The following SLC33A1 variants were observed in gnomAD, a reference collection of about 807,000 sequenced individuals.
The protein encoded by SLC33A1 is acetyl-coenzyme A transporter 1.
In SLC33A1, 20 loss-of-function variants were observed where a neutral mutation model predicts 50.0. That is an observed-to-expected ratio of 0.40 (90% CI 0.28 to 0.58). SLC33A1 has a LOEUF of 0.58. SLC33A1 is among the 20% of genes least tolerant of loss of function. The probability of loss-of-function intolerance (pLI) is 0.44; values close to 1 mark genes in which losing one functional copy is unlikely to be tolerated. For synonymous variants in SLC33A1, 265 were observed against 251.8 expected (o/e 1.05, Z -0.50); for missense variants, 476 against 657.0 (o/e 0.72, Z 3.01).
At position 155,824,093 on chromosome 3, in the gene SLC33A1, TC is replaced by T. The variant is rs1384460880; in HGVS notation, c.*4116del. The stretch of plus-strand genomic sequence containing the variant: ...ACCAAAGACATTGGTTAAAAAAAAG[TC>T]TCAGCAGTTACAATGTACAGTATCA... On this transcript the variant is annotated 3_prime_UTR_variant, in exon 6 of 6. Transcript: ENST00000643144. The T allele has an allele frequency of 6.6e-6, 1 of 152,166 alleles. No homozygotes were observed. The highest frequency in any genetic ancestry group is 1.9e-4 in the East Asian group (1 of 5,206). The allele number at this position is 152,166 out of a possible 1,614,324, so 9.4% of individuals were successfully genotyped here. A position where few individuals can be genotyped will look rare whatever the true frequency, so the allele number is the denominator to read the frequency against.
intron 1 of SLC33A1, among the ~76,000 whole-genome samples, chr3:155,852,481 C>T (rs187661065): frequency 1.3e-5 from 2 of 152,370 alleles, no homozygotes; most frequent in East Asian, 3.9e-4. Flanking sequence ...CAGCCTTTCT[C>T]AGCACGATTT....
chr3:155,831,185 G>A (rs1008501356), intron 4 of SLC33A1, among the ~76,000 whole-genome samples: 16 of 152,114 alleles, frequency 1.1e-4, no homozygotes, highest in South Asian at 2.1e-4. Context: ...AGCTGGGTGC[G>A]GTGGCTCACA....
In SLC33A1 at chr3:155,827,765, C is replaced by G. The variant is rs1286443601; in HGVS notation, c.*445G>C. 1 of 153,942 alleles carries G rather than the reference C, an allele frequency of 6.5e-6. No homozygotes were observed. The highest frequency in any genetic ancestry group is 1.9e-4 in the East Asian group (1 of 5,248). The allele number at this position is 153,942 out of a possible 1,614,324, so 9.5% of individuals were successfully genotyped here. On this transcript the variant is annotated 3_prime_UTR_variant, in exon 6 of 6. Transcript: ENST00000643144. Reference sequence around the variant, plus strand: ...CAATTCAAAATAAGATTTTAACTGCCAACAATGTCAGACTAGTTGTGGTTA... The same window carrying G: ...CAATTCAAAATAAGATTTTAACTGCGAACAATGTCAGACTAGTTGTGGTTA...
At chr3:155,842,367 T>C (rs1752967085) in intron 2 of SLC33A1, 65 bp downstream of exon 2, 2 of 971,546 alleles carry the variant, frequency 2.1e-6, no homozygotes, top group Non-Finnish European at 3.2e-6. Flanking sequence ...GAAAAAGGCA[T>C]TGTAAGTATT....
At position 155,828,310 on chromosome 3, in the gene SLC33A1, C is replaced by T; in HGVS notation, c.1550G>A (p.Cys517Tyr). The T allele has an allele frequency of 6.2e-7, 1 of 1,604,820 alleles. No individual in the cohort carries two copies. Among genetic ancestry groups the T allele is most frequent in the Non-Finnish European group, 8.5e-7 (1 of 1,171,590 alleles). ...LDGYYVESII[C>Y]VFIGFGWWFF... ...CCACCAACCAAATCCAATGAAAACA[C>T]AAATAATGGACTCCACATAATAACC... Residue 517 changes from cysteine (C) to tyrosine (Y), a missense_variant, in exon 6 of 6, where the codon TGT (cysteine) becomes TAT (tyrosine). By Grantham distance (194) the Cys-to-Tyr change is radical. Coordinates refer to ENST00000643144, the MANE Select transcript of SLC33A1 (RefSeq NM_004733.4).
intron 2 of SLC33A1, among the ~76,000 whole-genome samples, chr3:155,836,307 A>G (rs1436914295): frequency 7.1e-5 from 10 of 140,714 alleles, no homozygotes; most frequent in Non-Finnish European, 1.5e-4. Flanking sequence ...AAAAAAAAAA[A>G]AAAAAAGGAA....
Position 155,854,384 on chromosome 3 carries a change from A to C in SLC33A1, c.-387T>G. The stretch of plus-strand genomic sequence containing the variant: ...ACACCTCCAGCTCTCGCTGCTATCA[A>C]TGCGGCAGAGAGCACTTTCTCTACA... On this transcript the variant is annotated 5_prime_UTR_variant, in exon 1 of 6. Transcript: ENST00000643144. 1 of 189,664 alleles carries C rather than the reference A, an allele frequency of 5.3e-6. No individual in the cohort carries two copies. Among genetic ancestry groups the C allele is most frequent in the Non-Finnish European group, 1.1e-5 (1 of 92,172 alleles). The allele number at this position is 189,664 out of a possible 1,614,324, so 11.7% of individuals were successfully genotyped here.
At chr3:155,844,552 A>G in intron 1 of SLC33A1, among the ~76,000 whole-genome samples, 1 of 131,020 alleles carries the variant, frequency 7.6e-6, no homozygotes, top group East Asian at 2.4e-4. Flanking sequence ...TGCAACCTCC[A>G]CCTCTCGGGT....
In SLC33A1 at chr3:155,827,537, T is replaced by C. The variant is rs1752237776; in HGVS notation, c.*673A>G. ...CAAGAGGAATCAATAAGTTTAAAAA[T>C]CATAACTTTCATTTTATAAAAAATA... On this transcript the variant is annotated 3_prime_UTR_variant, in exon 6 of 6. Coordinates refer to ENST00000643144, the MANE Select transcript of SLC33A1 (RefSeq NM_004733.4). 1 of 152,160 alleles carries C rather than the reference T, an allele frequency of 6.6e-6. No homozygotes were observed. The highest frequency in any genetic ancestry group is 2.1e-4 in the South Asian group (1 of 4,828). 9.4% of individuals were successfully genotyped at this position (152,160 alleles called of 1,614,324 possible). A position where few individuals can be genotyped will look rare whatever the true frequency, so the allele number is the denominator to read the frequency against.
At chr3:155,853,047 T>C in intron 1 of SLC33A1, 176 bp downstream of exon 1, 2 of 633,732 alleles carry the variant, frequency 3.2e-6, no homozygotes, top group South Asian at 2.0e-5. Context: ...ATTGCTCTAA[T>C]ATCATTCATT....
chr3:155,848,178 G>GC (rs1005790482), intron 1 of SLC33A1, among the ~76,000 whole-genome samples: 1 of 152,136 alleles, frequency 6.6e-6, no homozygotes, highest in Non-Finnish European at 1.5e-5. Flanking sequence ...AGGCTGCAGT[G>GC]CAGTGGTTAT....
intron 4 of SLC33A1, among the ~76,000 whole-genome samples, chr3:155,830,936 A>G (rs566347860): frequency 6.6e-6 from 1 of 152,316 alleles, no homozygotes; most frequent in African/African-American, 2.4e-5. Flanking sequence ...CAATAATGGT[A>G]TTCCTTTGAA....
At chr3:155,836,153 A>G (rs1018003434) in intron 2 of SLC33A1, among the ~76,000 whole-genome samples, 7 of 151,354 alleles carry the variant, frequency 4.6e-5, no homozygotes, top group African/African-American at 1.7e-4. Context: ...GTGTGGTGGT[A>G]TACGCCTGTA....
chr3:155,842,576 T>C lies in SLC33A1; in HGVS notation c.819A>G (p.Thr273=), dbSNP rs781372986. 7 of 1,591,480 alleles carry C rather than the reference T, an allele frequency of 4.4e-6. No individual in the cohort carries two copies. Among genetic ancestry groups the C allele is most frequent in the Non-Finnish European group, 5.1e-6 (6 of 1,167,672 alleles). Residue 273 remains threonine, a synonymous_variant, in exon 2 of 6, where the codon ACA becomes ACG. Transcript: ENST00000643144. ...TTTCTTTTTTCAGAAGGGCAACCAA[T>C]GTTGTTGTTATTAAAAATACAGTTC... ...FWGTVFLITT[T]LVALLKKENE...
At position 155,823,246 on chromosome 3, in the gene SLC33A1, A is replaced by G. The variant is rs1240039444; in HGVS notation, c.*4964T>C. 2 of 152,222 alleles carry G rather than the reference A, an allele frequency of 1.3e-5. No homozygotes were observed. Among genetic ancestry groups the G allele is most frequent in the African/African-American group, 4.8e-5 (2 of 41,466 alleles). 9.4% of individuals were successfully genotyped at this position (152,222 alleles called of 1,614,324 possible). ...CTATCCATGCTGATTCTACCTTGCT[A>G]GCAAATTGGGGAAGTAACATGAAGA... is the stretch of plus-strand genomic sequence containing the variant. On this transcript the variant is annotated 3_prime_UTR_variant, in exon 6 of 6. Transcript: ENST00000643144.
In SLC33A1 at chr3:155,829,735, A is replaced by C; in HGVS notation, c.1435T>G (p.Cys479Gly). The C allele has an allele frequency of 6.2e-7, 1 of 1,613,936 alleles. No homozygotes were observed. The highest frequency in any genetic ancestry group is 8.5e-7 in the Non-Finnish European group (1 of 1,179,962). Residue 479 changes from cysteine (C) to glycine (G), a missense_variant, in exon 5 of 6, where the codon TGT (cysteine) becomes GGT (glycine). Cys to Gly is a radical substitution (Grantham distance 159). Transcript: ENST00000643144. ...WLVDPLTVKE[C>G]VGASNQNCRT... ...CAATTCTGGTTTGATGCTCCTACAC[A>C]CTCTTTTACTGTGAGGGGATCTACA...
intron 1 of SLC33A1, among the ~76,000 whole-genome samples, chr3:155,852,414 G>T (rs1214291860): frequency 1.3e-5 from 2 of 152,150 alleles, no homozygotes; most frequent in Non-Finnish European, 2.9e-5. Flanking sequence ...TTACTTACAG[G>T]ACAAACTTTA....
At chr3:155,833,120 G>A (rs777491748) in intron 4 of SLC33A1, among the ~76,000 whole-genome samples, 1 of 151,896 alleles carries the variant, frequency 6.6e-6, no homozygotes, top group Non-Finnish European at 1.5e-5. Flanking sequence ...GTGGTGGCAC[G>A]TGCCTGTAAT....
intron 2 of SLC33A1, among the ~76,000 whole-genome samples, chr3:155,837,795 T>C (rs926168460): frequency 1.3e-5 from 2 of 152,150 alleles, no homozygotes; most frequent in Admixed American, 6.6e-5. Context: ...TCCATTAATA[T>C]ATAATTCAAA....
Sources: allele counts gnomAD v4.1 joint callset (sites outside exome capture counted in the v4.1 genomes callset), GRCh38; gene constraint gnomAD v4.1.1; transcripts MANE v1.5; gene names NCBI Gene and HGNC (gene_info 2026-07-23, HGNC 2026-07-21).